Variants in ERI3 observed in about 807,000 individuals in gnomAD.
ERI3 encodes the protein ERI1 exoribonuclease 3.
A neutral mutation model predicts 44.4 loss-of-function variants in ERI3; 18 were observed. The ratio of observed to expected loss-of-function variants is 0.41; its 90% CI spans 0.28 to 0.60. The LOEUF is 0.60. ERI3 is among the 20% of genes least tolerant of loss of function. The pLI is 0.36. For synonymous variants in ERI3, 183 were observed against 164.8 expected, an observed-to-expected ratio of 1.11 and a Z score of -0.84; for missense variants, 294 against 435.5, an observed-to-expected ratio of 0.68 and a Z score of 2.89.
intron 7 of ERI3, among the ~76,000 whole-genome samples, chr1:44,269,535 A>C (rs1645050994): frequency 6.6e-6 from 1 of 152,202 alleles, no homozygotes; most frequent in African/African-American, 2.4e-5. Flanking sequence ...CAATTGGGTG[A>C]ATGCACTTCT....
chr1:44,227,067 C>A (rs923020558), intron 8 of ERI3, among the ~76,000 whole-genome samples: 3 of 152,036 alleles, frequency 2.0e-5, no homozygotes, highest in African/African-American at 7.2e-5. Flanking sequence ...GTGAAATGAT[C>A]AAAGAAGCCA....
intron 4 of ERI3, among the ~76,000 whole-genome samples, chr1:44,313,935 C>T (rs908075673): frequency 1.3e-4 from 20 of 152,012 alleles, no homozygotes; most frequent in Admixed American, 2.0e-4. Context: ...TAGGTCAGGC[C>T]TGGGTTCAAA....
At chr1:44,245,555 G>A (rs561827194) in intron 8 of ERI3, among the ~76,000 whole-genome samples, 3 of 152,258 alleles carry the variant, frequency 2.0e-5, no homozygotes, top group Admixed American at 6.5e-5. Context: ...GTTCTGGGTG[G>A]AAGAACCAGA....
At chr1:44,326,690 A>G (rs1317465507) in intron 3 of ERI3, among the ~76,000 whole-genome samples, 3 of 152,184 alleles carry the variant, frequency 2.0e-5, no homozygotes, top group Non-Finnish European at 4.4e-5. Context: ...TTACACTTTG[A>G]CAGATGAGAG....
chr1:44,241,891 C>CA lies in ERI3; in HGVS notation c.931+6047dup. 2.1e-6 allele frequency: 2 copies of CA among 942,600 alleles called. No homozygotes were observed. Among genetic ancestry groups the CA allele is most frequent in the Non-Finnish European group, 2.5e-6 (2 of 790,668 alleles). 58.4% of individuals were successfully genotyped at this position (942,600 alleles called of 1,614,324 possible). A position where few individuals can be genotyped will look rare whatever the true frequency, so the allele number is the denominator to read the frequency against. ...CCATCCATCTGTCCATCAACTCACC[C>CA]ACCCATCTAGTCCATCAACTCACCC... On this transcript the variant is annotated intron_variant, in intron 8 of 8. Transcript: ENST00000372257. This position sits in a 1 kb window ranked among gnomAD's most constrained non-coding sequence, Gnocchi z 5.6.
intron 8 of ERI3, among the ~76,000 whole-genome samples, chr1:44,237,998 C>A (rs1311459266): frequency 6.6e-6 from 1 of 152,094 alleles, no homozygotes; most frequent in East Asian, 1.9e-4. Context: ...CTCTGGGTGC[C>A]CTGCCTCACC....
At chr1:44,232,734 C>A (rs1052991983) in intron 8 of ERI3, among the ~76,000 whole-genome samples, 1 of 152,208 alleles carries the variant, frequency 6.6e-6, no homozygotes, top group African/African-American at 2.4e-5. Flanking sequence ...CCTGCAAGTC[C>A]CAGACAACAC....
chr1:44,230,482 T>TCTGGGTCCTA (rs1644154655), intron 8 of ERI3: 1 of 152,216 alleles, frequency 6.6e-6, no homozygotes, highest in Non-Finnish European at 1.5e-5. Context: ...TGTAGTGGAT[T>TCTGGGTCCTA]CAATAGGAAG....
intron 7 of ERI3, among the ~76,000 whole-genome samples, chr1:44,261,806 C>T (rs934494105): frequency 6.6e-6 from 1 of 152,240 alleles, no homozygotes; most frequent in African/African-American, 2.4e-5. Context: ...AGCTTCCCAA[C>T]CAGGCCCAGG....
At position 44,221,606 on chromosome 1, in the gene ERI3, T is replaced by C; in HGVS notation, c.966A>G (p.Thr322=). The part of the protein sequence containing the change: ...DCKNIANIMK[T]LAYRGFIFKQ... ...TGAAGATGAAGCCTCGATAGGCGAG[T>C]GTCTTCATGATGTTGGCAATGTTCT... The change falls in exon 9 of 9, where the codon ACA becomes ACG. Residue 322 remains threonine, a synonymous_variant. Coordinates refer to ENST00000372257, the MANE Select transcript of ERI3 (RefSeq NM_024066.3). The surrounding 1 kb of genome is among the most constrained non-coding windows in gnomAD (Gnocchi z 5.9). 1 of 1,614,024 alleles carries C rather than the reference T, an allele frequency of 6.2e-7. No individual in the cohort carries two copies.
intron 6 of ERI3, among the ~76,000 whole-genome samples, chr1:44,294,915 G>A (rs114912263): frequency 5.9e-5 from 9 of 152,308 alleles, no homozygotes; most frequent in Non-Finnish European, 1.3e-4. Flanking sequence ...TGGAGGCTCC[G>A]CAGAGAGGCA....
Position 44,248,882 on chromosome 1 carries a change from C to T in ERI3, c.832-844G>A, listed in dbSNP as rs551836061. On this transcript the variant is annotated intron_variant, in intron 7 of 8. Transcript: ENST00000372257. ...CAGGCCCCAGCACTCCATTGCCCCCCCTCCATCCCCTTCCCTCACCACCTG... is the reference window on the plus strand; with the variant it reads ...CAGGCCCCAGCACTCCATTGCCCCCTCTCCATCCCCTTCCCTCACCACCTG... 1.2e-4 allele frequency among the ~76,000 whole-genome samples: 18 copies of T among 152,208 alleles called. No homozygotes were observed. In the East Asian group the frequency reaches 2.5e-3, roughly 21 times the overall value.
intron 7 of ERI3, among the ~76,000 whole-genome samples, chr1:44,275,588 G>A (rs1381482743): frequency 6.6e-6 from 1 of 152,182 alleles, no homozygotes; most frequent in East Asian, 1.9e-4. Context: ...GAAACAGAAT[G>A]TTTCTTGGAG....
intron 1 of ERI3, chr1:44,353,459 A>T: frequency 1.0e-6 from 1 of 985,412 alleles, no homozygotes; most frequent in Non-Finnish European, 1.2e-6. Flanking sequence ...TTTTCAACTA[A>T]TTCATATCCT....
intron 8 of ERI3, among the ~76,000 whole-genome samples, chr1:44,226,612 CAG>C (rs1228329200): frequency 6.6e-6 from 1 of 151,886 alleles, no homozygotes; most frequent in African/African-American, 2.4e-5. Context: ...TAGGACAGCA[CAG>C]GGGGAGCATC....
rs1260310743 is a variant in ERI3 at position 44,339,251 on chromosome 1, G to C, written c.283C>G (p.Leu95Val). The change falls in exon 3 of 9, where the codon CTT (leucine) becomes GTT (valine). Residue 95 changes from leucine to valine, a missense_variant. Transcript: ENST00000372257. ...TGAARFSSYL[L>V]SRARKVLGSH... Reference sequence around the variant, plus strand: ...CCCAGCACTTTTCTTGCTCTTGAAAGTAAATACGAAGAAAATCGAGCTGCT... The same window carrying C: ...CCCAGCACTTTTCTTGCTCTTGAAACTAAATACGAAGAAAATCGAGCTGCT... 1 of 1,527,670 alleles carries C rather than the reference G, an allele frequency of 6.5e-7. No homozygotes were observed. The highest frequency in any genetic ancestry group is 1.1e-5 in the South Asian group (1 of 89,946). The allele number at this position is 1,527,670 out of a possible 1,614,324, so 94.6% of individuals were successfully genotyped here. A position where few individuals can be genotyped will look rare whatever the true frequency, so the allele number is the denominator to read the frequency against.
intron 7 of ERI3, among the ~76,000 whole-genome samples, chr1:44,275,296 G>A (rs1198715473): frequency 6.6e-6 from 1 of 152,068 alleles, no homozygotes; most frequent in Admixed American, 6.5e-5. Context: ...AAAGTGAACT[G>A]GCTAGCAGGG....
intron 4 of ERI3, among the ~76,000 whole-genome samples, chr1:44,319,369 T>C (rs1409446635): frequency 6.6e-6 from 1 of 152,246 alleles, no homozygotes; most frequent in Non-Finnish European, 1.5e-5. Flanking sequence ...ATTCTGCTCC[T>C]GGTCTCCAAG....
chr1:44,354,086 AT>A (rs1318792360), intron 1 of ERI3: 1 of 985,488 alleles, frequency 1.0e-6, no homozygotes, highest in Non-Finnish European at 1.2e-6. Context: ...ATAAAGCAGA[AT>A]TTGATGAAGC....
Sources: allele counts gnomAD v4.1 joint callset (sites outside exome capture counted in the v4.1 genomes callset), GRCh38; gene constraint gnomAD v4.1.1; non-coding constraint Gnocchi (gnomAD v3.1); transcripts MANE v1.5; gene names NCBI Gene and HGNC (gene_info 2026-07-23, HGNC 2026-07-21).